Variants in RFX3 observed in about 807,000 individuals in gnomAD.
RFX3 encodes the protein regulatory factor X3, also known as transcription factor RFX3.
Under a neutral mutation model 98.6 loss-of-function variants are expected in RFX3, and 14 were observed. The observed-to-expected ratio is 0.14, with a 90% CI of 0.09 to 0.22. The LOEUF (loss-of-function observed/expected upper bound fraction) is 0.22. RFX3 is among the 10% of genes least tolerant of loss of function. The pLI, the probability that RFX3 is intolerant of heterozygous loss-of-function variation, is 1.00. For missense variants in RFX3, 639 were observed against 926.9 expected (o/e 0.69, Z 4.03); for synonymous variants, 383 against 328.4 (o/e 1.17, Z -1.80).
In RFX3 at chr9:3,221,761, T is replaced by C. The variant is rs554042117; in HGVS notation, c.*3281A>G. 2.2e-4 allele frequency: 34 copies of C among 152,150 alleles called. No homozygotes were observed. Among genetic ancestry groups the C allele is most frequent in the African/African-American group, 8.0e-4 (33 of 41,432 alleles). The allele number at this position is 152,150 out of a possible 1,614,324, so 9.4% of individuals were successfully genotyped here. ...AATCTTTTGAGTATGATTTTCAAAC[T>C]ATATGTCAAGATCAAACTATACCCA... On this transcript the variant is annotated 3_prime_UTR_variant, in exon 17 of 17. Transcript: ENST00000617270.
intron 1 of RFX3, among the ~76,000 whole-genome samples, chr9:3,470,338 G>A (rs544395162): frequency 6.2e-5 from 9 of 145,602 alleles, no homozygotes; most frequent in Middle Eastern, 3.6e-3. Context: ...TTTTTGAGAC[G>A]GAGTCTCACT....
chr9:3,465,590 C>A (rs539131199), intron 1 of RFX3, among the ~76,000 whole-genome samples: 2 of 151,874 alleles, frequency 1.3e-5, no homozygotes, highest in South Asian at 4.2e-4. Flanking sequence ...AAGCGTGAGC[C>A]GCTGCACTTG....
At chr9:3,336,554 T>A (rs1833203170) in intron 3 of RFX3, among the ~76,000 whole-genome samples, 1 of 152,024 alleles carries the variant, frequency 6.6e-6, no homozygotes. Context: ...ACAAGAAGAA[T>A]AAAATTTTAG....
chr9:3,424,480 G>C (rs1843800773), intron 1 of RFX3, among the ~76,000 whole-genome samples: 1 of 141,404 alleles, frequency 7.1e-6, no homozygotes, highest in Non-Finnish European at 1.5e-5. Context: ...TCCTGCCTCA[G>C]CCTCCCGAGT....
rs780379499 is a variant in RFX3, at chr9:3,288,291, C to A, written c.732-41G>T. ...AGAAACATTAGAAACAAAAGTCAGT[C>A]AAACTAATATTAATCACATGGGATG... On this transcript the variant is annotated intron_variant, in intron 6 of 16. Transcript: ENST00000617270. 6 of 1,590,972 alleles carry A rather than the reference C, an allele frequency of 3.8e-6. No homozygotes were observed. In the South Asian group the frequency reaches 6.6e-5, roughly 18 times the overall value.
intron 4 of RFX3, among the ~76,000 whole-genome samples, chr9:3,318,143 C>A (rs1159891787): frequency 6.6e-6 from 1 of 152,172 alleles, no homozygotes; most frequent in East Asian, 1.9e-4. Flanking sequence ...CAGTGATAGA[C>A]TGGATTAAGA....
intron 1 of RFX3, among the ~76,000 whole-genome samples, chr9:3,416,901 T>G (rs1046886271): frequency 5.9e-5 from 9 of 152,020 alleles, no homozygotes; most frequent in Non-Finnish European, 1.3e-4. Flanking sequence ...AATAATCACA[T>G]TAAATAAAAT....
At chr9:3,379,146 A>G (rs1838899792) in intron 2 of RFX3, among the ~76,000 whole-genome samples, 1 of 152,190 alleles carries the variant, frequency 6.6e-6, no homozygotes. Flanking sequence ...AAAGGGAGAC[A>G]TGGTCCCTGG....
chr9:3,439,058 A>G (rs1176598493), intron 1 of RFX3, among the ~76,000 whole-genome samples: 1 of 151,996 alleles, frequency 6.6e-6, no homozygotes. Context: ...ATAAGTATGA[A>G]ACTTCTAAAT....
chr9:3,452,997 C>T (rs1846804669), intron 1 of RFX3, among the ~76,000 whole-genome samples: 1 of 152,122 alleles, frequency 6.6e-6, no homozygotes, highest in African/African-American at 2.4e-5. Context: ...TGGAACATAG[C>T]CCTCTCTATT....
intron 2 of RFX3, among the ~76,000 whole-genome samples, chr9:3,387,132 G>A (rs186895748): frequency 6.6e-6 from 1 of 152,034 alleles, no homozygotes; most frequent in Non-Finnish European, 1.5e-5. Context: ...GCAGCTCAAG[G>A]GTCACATCTT....
intron 1 of RFX3, among the ~76,000 whole-genome samples, chr9:3,439,898 G>C (rs1237563313): frequency 1.3e-5 from 2 of 151,910 alleles, no homozygotes; most frequent in African/African-American, 2.4e-5. Context: ...TATTCATAAA[G>C]GATAATACAT....
chr9:3,371,558 C>T (rs2131562881), intron 2 of RFX3, among the ~76,000 whole-genome samples: 1 of 151,950 alleles, frequency 6.6e-6, no homozygotes, highest in Non-Finnish European at 1.5e-5. Flanking sequence ...TTACATGTGG[C>T]CAGAAATTTA....
intron 4 of RFX3, chr9:3,324,138 A>G (rs1356335692): frequency 1.4e-5 from 5 of 365,242 alleles, no homozygotes. Flanking sequence ...AGCTAAGATC[A>G]TAATGGTGAT....
chr9:3,286,737 C>G (rs548989563), intron 7 of RFX3, among the ~76,000 whole-genome samples: 3 of 152,066 alleles, frequency 2.0e-5, no homozygotes, highest in African/African-American at 7.2e-5. Context: ...ATCCAAACTA[C>G]TTTTAAGATC....
intron 2 of RFX3, among the ~76,000 whole-genome samples, chr9:3,355,180 C>T (rs1264833332): frequency 6.6e-6 from 1 of 151,362 alleles, no homozygotes; most frequent in East Asian, 1.9e-4. Flanking sequence ...ACAGATGGGA[C>T]AAATAAAAAA....
At chr9:3,449,103 C>T (rs537202866) in intron 1 of RFX3, among the ~76,000 whole-genome samples, 34 of 152,126 alleles carry the variant, frequency 2.2e-4, no homozygotes, top group Non-Finnish European at 4.4e-4. Context: ...TTTTTTCCAT[C>T]TGTCAAATTG....
At chr9:3,406,450 C>G (rs748738872) in intron 1 of RFX3, among the ~76,000 whole-genome samples, 20 of 152,056 alleles carry the variant, frequency 1.3e-4, no homozygotes, top group Non-Finnish European at 2.5e-4. Context: ...CCTGGTATTC[C>G]TATAGCATAC....
At chr9:3,326,609 G>C (rs2130825975) in intron 4 of RFX3, among the ~76,000 whole-genome samples, 1 of 152,218 alleles carries the variant, frequency 6.6e-6, no homozygotes, top group South Asian at 2.1e-4. Context: ...TCCTGCATTA[G>C]TTTGCTAAGG....
Sources: gnomAD v4.1 joint callset for allele counts (sites outside exome capture counted in the v4.1 genomes callset) on GRCh38, gnomAD v4.1.1 for gene constraint, MANE v1.5 for transcripts, NCBI Gene and HGNC (gene_info 2026-07-23, HGNC 2026-07-21) for gene names.